Variants in CENPP observed in about 807,000 individuals in gnomAD.
The protein encoded by CENPP is centromere protein P.
Under a neutral mutation model 35.6 loss-of-function variants are expected in CENPP, and 24 were observed. The observed-to-expected ratio is 0.67, with a 90% CI of 0.49 to 0.95. The LOEUF (loss-of-function observed/expected upper bound fraction) is 0.95, where lower values mean the gene tolerates loss of function less well. Among genes scored for constraint, CENPP ranks in the 40% least tolerant of loss-of-function variants. CENPP has a pLI of 0.00. For synonymous variants in CENPP, 120 were observed against 125.5 expected, an observed-to-expected ratio of 0.96 and a Z score of 0.29; for missense variants, 332 against 345.3, an observed-to-expected ratio of 0.96 and a Z score of 0.31.
intron 5 of CENPP, among the ~76,000 whole-genome samples, chr9:92,465,931 CAAGCAATTCTCCTGCCT>C (rs1845292146): frequency 6.6e-6 from 1 of 151,500 alleles, no homozygotes; most frequent in Admixed American, 6.6e-5. Context: ...CTCCTGGGTT[CAAGCAATTCTCCTGCCT>C]AAGCCTCCCG....
At chr9:92,559,989 A>T (rs979633522) in intron 5 of CENPP, among the ~76,000 whole-genome samples, 2 of 152,088 alleles carry the variant, frequency 1.3e-5, no homozygotes, top group African/African-American at 4.8e-5. Context: ...AACATTTAGA[A>T]ATTAGCTGGG....
At chr9:92,521,645 G>A (rs770168865) in intron 5 of CENPP, among the ~76,000 whole-genome samples, 9 of 152,102 alleles carry the variant, frequency 5.9e-5, no homozygotes, top group Non-Finnish European at 1.0e-4. Flanking sequence ...TTGGAAAAAT[G>A]TAAACCATTT....
At chr9:92,511,547 GA>G (rs1182824866) in intron 5 of CENPP, among the ~76,000 whole-genome samples, 2 of 151,044 alleles carry the variant, frequency 1.3e-5, no homozygotes, top group Non-Finnish European at 2.9e-5. Context: ...ATTTTTATAT[GA>G]GCCTATTTGT....
At chr9:92,451,462 G>A (rs893959907) in intron 5 of CENPP, among the ~76,000 whole-genome samples, 1 of 149,690 alleles carries the variant, frequency 6.7e-6, no homozygotes, top group Non-Finnish European at 1.5e-5. Context: ...CTATATCTCT[G>A]TTTTGGTACC....
At chr9:92,439,868 G>A (rs145954237) in intron 5 of CENPP, among the ~76,000 whole-genome samples, 47 of 152,234 alleles carry the variant, frequency 3.1e-4, no homozygotes, top group African/African-American at 1.0e-3. Context: ...GATAAGAGTG[G>A]TGAATATAGA....
In CENPP at chr9:92,615,941, C is replaced by A; in HGVS notation, c.*2792C>A. 6.2e-7 allele frequency: 1 copy of A among 1,614,084 alleles called. No individual in the cohort carries two copies. On this transcript the variant is annotated 3_prime_UTR_variant, in exon 8 of 8. Coordinates refer to ENST00000375587, the MANE Select transcript of CENPP (RefSeq NM_001012267.3). Reference sequence around the variant, plus strand: ...CTTTGAATAATAGTTGACGATCTTGCCGTCCAGTTTATACTGATGGGGAAT... The same window carrying A: ...CTTTGAATAATAGTTGACGATCTTGACGTCCAGTTTATACTGATGGGGAAT...
chr9:92,446,908 G>A (rs1290283131), intron 5 of CENPP, among the ~76,000 whole-genome samples: 3 of 152,026 alleles, frequency 2.0e-5, no homozygotes, highest in Non-Finnish European at 4.4e-5. Context: ...GAGGGAAAAA[G>A]GGAGGGCTGG....
In CENPP at chr9:92,514,794, C is replaced by T. The variant is rs1847583725; in HGVS notation, c.565-96520C>T. ...GCGGGGATCGAGAGGGCATTCGGAACATATCTCCTCTTACCGGGTCCTCCT... is the reference window on the plus strand; with the variant it reads ...GCGGGGATCGAGAGGGCATTCGGAATATATCTCCTCTTACCGGGTCCTCCT... On this transcript the variant is annotated intron_variant, in intron 5 of 7. Coordinates refer to ENST00000375587, the MANE Select transcript of CENPP (RefSeq NM_001012267.3). 6.2e-7 allele frequency: 1 copy of T among 1,613,956 alleles called. No homozygotes were observed. Among genetic ancestry groups the T allele is most frequent in the Non-Finnish European group, 8.5e-7 (1 of 1,179,952 alleles).
chr9:92,342,045 T>G (rs1255126159), intron 3 of CENPP, among the ~76,000 whole-genome samples: 6 of 152,246 alleles, frequency 3.9e-5, no homozygotes, highest in Non-Finnish European at 7.3e-5. Flanking sequence ...ATATGGTGGT[T>G]TTATGATAAT....
chr9:92,389,741 T>G, intron 5 of CENPP: 1 of 683,230 alleles, frequency 1.5e-6, no homozygotes, highest in Non-Finnish European at 2.4e-6. Context: ...TCTTCATTTA[T>G]TAAATCAAAA....
intron 3 of CENPP, chr9:92,340,369 T>C (rs2130793889): frequency 6.6e-6 from 1 of 152,344 alleles, no homozygotes; most frequent in African/African-American, 2.4e-5. Context: ...AGACATAACA[T>C]AGGCTATAAT....
intron 5 of CENPP, among the ~76,000 whole-genome samples, chr9:92,540,293 C>T (rs1849286325): frequency 6.6e-6 from 1 of 152,056 alleles, no homozygotes; most frequent in Non-Finnish European, 1.5e-5. Flanking sequence ...AAAAACTTAG[C>T]CAGGCAAGGT....
intron 5 of CENPP, among the ~76,000 whole-genome samples, chr9:92,463,333 G>C (rs1258660963): frequency 6.6e-6 from 1 of 152,208 alleles, no homozygotes; most frequent in African/African-American, 2.4e-5. Flanking sequence ...AGCTTTCACA[G>C]GTTAGTGAAT....
At chr9:92,340,927 G>A (rs1243875469) in intron 3 of CENPP, among the ~76,000 whole-genome samples, 1 of 152,186 alleles carries the variant, frequency 6.6e-6, no homozygotes, top group Non-Finnish European at 1.5e-5. Context: ...CTGACTGCTG[G>A]TGAGCCGGGC....
At chr9:92,567,367 A>AACATATATAT (rs1564005429) in intron 5 of CENPP, among the ~76,000 whole-genome samples, 1 of 103,710 alleles carries the variant, frequency 9.6e-6, no homozygotes, top group African/African-American at 2.9e-5. Context: ...ACAGTTACAT[A>AACATATATAT]AGATAGATAT....
intron 3 of CENPP, among the ~76,000 whole-genome samples, chr9:92,342,177 G>A (rs1302212315): frequency 6.6e-6 from 1 of 152,244 alleles, no homozygotes; most frequent in Non-Finnish European, 1.5e-5. Flanking sequence ...GACACTTTCT[G>A]GAAGTTGTAC....
intron 4 of CENPP, among the ~76,000 whole-genome samples, chr9:92,370,955 G>A (rs1588067163): frequency 6.6e-6 from 1 of 151,926 alleles, no homozygotes; most frequent in East Asian, 1.9e-4. Context: ...CATTTGTATT[G>A]TCTCCATTTT....
Position 92,613,106 on chromosome 9 carries a change from T to C in CENPP, c.824T>C (p.Leu275Pro), listed in dbSNP as rs1247559813. 6.2e-7 allele frequency: 1 copy of C among 1,614,208 alleles called. No individual in the cohort carries two copies. The highest frequency in any genetic ancestry group is 8.5e-7 in the Non-Finnish European group (1 of 1,180,030). Reference sequence around the variant, plus strand: ...GGACTGCTTGGAATCGAAGCTGCTCTGGAAAGCCTGATAAAATCGCTTTGT... The same window carrying C: ...GGACTGCTTGGAATCGAAGCTGCTCCGGAAAGCCTGATAAAATCGCTTTGT... ...LVGLLGIEAA[L>P]ESLIKSLCAE... Residue 275 changes from leucine to proline, a missense_variant, in exon 8 of 8, where the codon CTG (leucine) becomes CCG (proline). By Grantham distance (98) the Leu-to-Pro change is moderately conservative. Coordinates refer to ENST00000375587, the MANE Select transcript of CENPP (RefSeq NM_001012267.3).
chr9:92,447,339 A>G (rs566470357), intron 5 of CENPP, among the ~76,000 whole-genome samples: 22 of 151,914 alleles, frequency 1.4e-4, no homozygotes, highest in Middle Eastern at 3.4e-3. Flanking sequence ...CCTGGGGGTG[A>G]TGGGAGACAG....
Sources: gnomAD v4.1 joint callset for allele counts (sites outside exome capture counted in the v4.1 genomes callset) on GRCh38, gnomAD v4.1.1 for gene constraint, MANE v1.5 for transcripts, NCBI Gene and HGNC (gene_info 2026-07-23, HGNC 2026-07-21) for gene names.